Variants in UBR4 observed in about 807,000 individuals in gnomAD.
The protein encoded by UBR4 is ubiquitin protein ligase E3 component n-recognin 4.
A neutral mutation model predicts 575.6 loss-of-function variants in UBR4; 124 were observed. The observed-to-expected ratio is 0.22, with a 90% CI of 0.19 to 0.25. UBR4 has a LOEUF of 0.25. Ranked by LOEUF, UBR4 falls within the 10% of genes least tolerant of loss-of-function variation. UBR4 has a pLI of 1.00. For missense variants in UBR4, 4,818 were observed against 6,478.8 expected (o/e 0.74, Z 8.80); for synonymous variants, 2,455 against 2,473.7 (o/e 0.99, Z 0.22).
In UBR4 at chr1:19,176,577, A is replaced by AG. The variant is rs141541137; in HGVS notation, c.2773+14dup. ...ATCAGTAAGTCAGTTTCTTATTAAC[A>AG]GTCTTCTTTCTGACCTGATGAGAAA... On this transcript the variant is annotated intron_variant, in intron 20 of 105. Transcript: ENST00000375254. The AG allele has an allele frequency of 6.7e-4, 1,079 of 1,610,854 alleles. 7 individuals carry two copies. In the East Asian group the frequency reaches 9.6e-3, roughly 14 times the overall value.
At chr1:19,146,759 A>G in intron 52 of UBR4, 67 bp downstream of exon 52, 1 of 1,541,464 alleles carries the variant, frequency 6.5e-7, no homozygotes, top group East Asian at 2.3e-5. Flanking sequence ...TAAGAACAGT[A>G]AGAATGAGAG....
intron 63 of UBR4, among the ~76,000 whole-genome samples, chr1:19,126,873 T>C (rs1038062320): frequency 1.3e-5 from 2 of 152,128 alleles, no homozygotes; most frequent in African/African-American, 4.8e-5. Context: ...AAGAAACACA[T>C]CTGTTCTCAA....
chr1:19,144,150 T>A (rs2084499935), intron 54 of UBR4, 59 bp from the exon 55 acceptor site: 4 of 1,489,916 alleles, frequency 2.7e-6, no homozygotes, highest in Non-Finnish European at 3.7e-6. Context: ...AAACTCTCTA[T>A]AAAACACTTT....
chr1:19,149,714 C>G (rs1402168893), intron 49 of UBR4: 1 of 1,285,054 alleles, frequency 7.8e-7, no homozygotes, highest in Non-Finnish European at 1.0e-6. Context: ...TTACACGGCT[C>G]TCTGACACAC....
Position 19,112,824 on chromosome 1 carries a change from T to C in UBR4, c.11501A>G (p.Gln3834Arg). Residue 3834 changes from glutamine (Q) to arginine (R), a missense_variant, in exon 78 of 106, where the codon CAG (glutamine) becomes CGG (arginine). By Grantham distance (43) the Gln-to-Arg change is conservative. Coordinates refer to ENST00000375254, the MANE Select transcript of UBR4 (RefSeq NM_020765.3). ...SRKELLEYDL[Q>R]QREAATKSSR... Reference sequence around the variant, plus strand: ...TGATTTAGTGGCTGCTTCCCTCTGCTGTAGGTCATATTCCAACAACTCTTT... The same window carrying C: ...TGATTTAGTGGCTGCTTCCCTCTGCCGTAGGTCATATTCCAACAACTCTTT... 6.2e-7 allele frequency: 1 copy of C among 1,613,190 alleles called. No individual in the cohort carries two copies. The highest frequency in any genetic ancestry group is 8.5e-7 in the Non-Finnish European group (1 of 1,179,478).
At chr1:19,143,307 A>G (rs2084342680) in intron 55 of UBR4, among the ~76,000 whole-genome samples, 1 of 129,528 alleles carries the variant, frequency 7.7e-6, no homozygotes, top group Non-Finnish European at 1.7e-5. Flanking sequence ...AGAAAGAAAG[A>G]AAGAAAGAAA....
chr1:19,110,695 G>C lies in UBR4; in HGVS notation c.11892+47C>G. The C allele has an allele frequency of 6.3e-7, 1 of 1,590,800 alleles. No individual in the cohort carries two copies. Among genetic ancestry groups the C allele is most frequent in the Non-Finnish European group, 8.6e-7 (1 of 1,159,498 alleles). On this transcript the variant is annotated intron_variant, in intron 79 of 105. Coordinates refer to ENST00000375254, the MANE Select transcript of UBR4 (RefSeq NM_020765.3). This position sits in a 1 kb window ranked among gnomAD's most constrained non-coding sequence, Gnocchi z 4.5. ...GGGGAAGCTGAGAAACACAAGGCATGTGAGGGGAAGTCAGAGAGGACAGCT... is the reference window on the plus strand; with the variant it reads ...GGGGAAGCTGAGAAACACAAGGCATCTGAGGGGAAGTCAGAGAGGACAGCT...
At position 19,126,427 on chromosome 1, in the gene UBR4, G is replaced by A; in HGVS notation, c.9438+19C>T. ...CTGAACAAAGGACGAGTGTTTCTTT[G>A]ATGAGGGAAAGATCTCACCTTCACA... is the stretch of plus-strand genomic sequence containing the variant. On this transcript the variant is annotated intron_variant, in intron 64 of 105. Coordinates refer to ENST00000375254, the MANE Select transcript of UBR4 (RefSeq NM_020765.3). The A allele has an allele frequency of 6.2e-7, 1 of 1,613,950 alleles. No individual in the cohort carries two copies. The highest frequency in any genetic ancestry group is 1.1e-5 in the South Asian group (1 of 91,064).
At position 19,129,191 on chromosome 1, in the gene UBR4, AG is replaced by A. The variant is rs1367580163; in HGVS notation, c.8907-118del. ...AAGGTCAACAAGAAGCCTAATGCTT[AG>A]GAACAATCTCCAGCATTAAAAAAAA... On this transcript the variant is annotated intron_variant, in intron 60 of 105. Transcript: ENST00000375254. 112 of 766,686 alleles carry A rather than the reference AG, an allele frequency of 1.5e-4. 1 individual carries two copies. In the Middle Eastern group the frequency reaches 3.4e-3, roughly 24 times the overall value. The allele number at this position is 766,686 out of a possible 1,614,324, so 47.5% of individuals were successfully genotyped here.
rs749032514 is a variant in UBR4, at chr1:19,165,705, G to A, written c.4162C>T (p.Leu1388=). 2.5e-6 allele frequency: 4 copies of A among 1,614,018 alleles called. No individual in the cohort carries two copies. In the Admixed American group the frequency reaches 6.7e-5, roughly 27 times the overall value. Residue 1388 remains leucine, a synonymous_variant, in exon 30 of 106, where the codon CTG becomes TTG. Coordinates refer to ENST00000375254, the MANE Select transcript of UBR4 (RefSeq NM_020765.3). ...GCTTTACGAGCCTGGCTACTTTCCAGCTGCTTTTCCAAGTACTGGAGACAT... is the reference window on the plus strand; with the variant it reads ...GCTTTACGAGCCTGGCTACTTTCCAACTGCTTTTCCAAGTACTGGAGACAT... ...EECLQYLEKQ[L]ESSQARKAME... is the part of the protein sequence containing the mutation.
At position 19,110,202 on chromosome 1, in the gene UBR4, G is replaced by T; in HGVS notation, c.11999C>A (p.Ala4000Asp). 6.2e-7 allele frequency: 1 copy of T among 1,614,232 alleles called. No individual in the cohort carries two copies. Among genetic ancestry groups the T allele is most frequent in the Non-Finnish European group, 8.5e-7 (1 of 1,180,038 alleles). The change falls in exon 81 of 106, where the codon GCT becomes GAT. Residue 4000 changes from alanine to aspartate, a missense_variant. Physicochemically the swap from Ala to Asp is moderately radical, Grantham distance 126 (BLOSUM62 -2). This residue lies in a region of UBR4 where 333 missense variants were observed against 459.2 expected (regional missense o/e 0.73). Coordinates refer to ENST00000375254, the MANE Select transcript of UBR4 (RefSeq NM_020765.3). This position sits in a 1 kb window ranked among gnomAD's most constrained non-coding sequence, Gnocchi z 4.5. ...CACCACAGGAGTCTTAATGTTCACA[G>T]CCATGAGGAAAAGGCTGAGAGCTAG... ...LRCALSLFLM[A>D]VNIKTPVVVE...
Position 19,117,133 on chromosome 1 carries a change from T to C in UBR4, c.10823+88A>G. On this transcript the variant is annotated intron_variant, in intron 73 of 105. Coordinates refer to ENST00000375254, the MANE Select transcript of UBR4 (RefSeq NM_020765.3). The surrounding 1 kb of genome is among the most constrained non-coding windows in gnomAD (Gnocchi z 4.0). ...ATGTATTAGGCCTCTAGGGATGTGC[T>C]GCCTTACTCCATTCCAGGAACCGAA... 6.8e-7 allele frequency: 1 copy of C among 1,471,734 alleles called. No homozygotes were observed. The highest frequency in any genetic ancestry group is 2.5e-4 in the Middle Eastern group (1 of 4,054). The allele number at this position is 1,471,734 out of a possible 1,614,324, so 91.2% of individuals were successfully genotyped here.
intron 55 of UBR4, among the ~76,000 whole-genome samples, chr1:19,143,215 A>AAAGG (rs1315545733): frequency 7.5e-5 from 9 of 119,212 alleles, no homozygotes; most frequent in African/African-American, 9.5e-5. Flanking sequence ...GGAAGGAAAG[A>AAAGG]AAGGAAGGAA....
intron 58 of UBR4, 140 bp downstream of exon 58, chr1:19,140,648 C>T (rs1406156381): frequency 2.4e-6 from 2 of 831,794 alleles, no homozygotes; most frequent in Non-Finnish European, 3.8e-6. Flanking sequence ...CCCTCCACAC[C>T]CATCTTTCTA....
In UBR4 at chr1:19,183,670, C is replaced by T. The variant is rs1281584750; in HGVS notation, c.2184+141G>A. Reference sequence around the variant, plus strand: ...CTGGGAGGTGGAGGTTGCAGTGAGCCAAGACCGTGTCACTGCACTCCAGCC... The same window carrying T: ...CTGGGAGGTGGAGGTTGCAGTGAGCTAAGACCGTGTCACTGCACTCCAGCC... On this transcript the variant is annotated intron_variant, in intron 17 of 105. Coordinates refer to ENST00000375254, the MANE Select transcript of UBR4 (RefSeq NM_020765.3). 6.2e-6 allele frequency: 5 copies of T among 803,850 alleles called. No individual in the cohort carries two copies. The East Asian group carries it at 1.5e-4, about 24-fold the overall frequency. 49.8% of individuals were successfully genotyped at this position (803,850 alleles called of 1,614,324 possible).
chr1:19,131,731 G>A (rs2082480658), intron 60 of UBR4, among the ~76,000 whole-genome samples: 1 of 152,054 alleles, frequency 6.6e-6, no homozygotes, highest in Non-Finnish European at 1.5e-5. Flanking sequence ...AAATTAGCCG[G>A]GCGTGGTCAC....
Position 19,173,017 on chromosome 1 carries a change from G to A in UBR4, c.3368C>T (p.Thr1123Ile). 6.2e-7 allele frequency: 1 copy of A among 1,614,172 alleles called. No individual in the cohort carries two copies. Among genetic ancestry groups the A allele is most frequent in the Non-Finnish European group, 8.5e-7 (1 of 1,180,024 alleles). ...GACCTTTGAGATCGCGGCATCAAGG[G>A]TGTAGATGGACTGCAGACTGGGAAT... Reference protein sequence around the residue: ...HEIPSLQSIYTLDAAISKVQV... With the variant: ...HEIPSLQSIYILDAAISKVQV... The change falls in exon 25 of 106, where the codon ACC (threonine) becomes ATC (isoleucine). Residue 1123 changes from threonine (T) to isoleucine (I), a missense_variant. Thr to Ile is a moderately conservative substitution (Grantham distance 89). Transcript: ENST00000375254.
chr1:19,141,210 C>G, intron 57 of UBR4, 137 bp downstream of exon 57: 2 of 1,190,958 alleles, frequency 1.7e-6, no homozygotes, highest in Non-Finnish European at 2.4e-6. Context: ...CCACCTGTAT[C>G]TCTGAACAGC....
rs533819161 is a variant in UBR4, at chr1:19,130,624, G to A, written c.8907-1550C>T. On this transcript the variant is annotated intron_variant, in intron 60 of 105. Transcript: ENST00000375254. ...AGCTAACTGTTCTTCAGAATACCAC[G>A]CATGTGTCTGTTAATAATTAGCCAA... Among the ~76,000 whole-genome samples the A allele has an allele frequency of 7.9e-5, 12 of 152,308 alleles. No individual in the cohort carries two copies. In the East Asian group the frequency reaches 1.2e-3, roughly 15 times the overall value.
Sources: allele counts gnomAD v4.1 joint callset (sites outside exome capture counted in the v4.1 genomes callset), GRCh38; gene constraint gnomAD v4.1.1; regional missense constraint gnomAD v4.1.1; non-coding constraint Gnocchi (gnomAD v3.1); transcripts MANE v1.5; gene names NCBI Gene and HGNC (gene_info 2026-07-23, HGNC 2026-07-21).